The following TNR variants were observed in gnomAD, a reference collection of about 807,000 sequenced individuals.
The protein encoded by TNR is tenascin-R.
TNR carries 45 observed loss-of-function variants against 150.4 expected under a neutral mutation model. The observed-to-expected ratio is 0.30, with a 90% CI of 0.24 to 0.38. The LOEUF (loss-of-function observed/expected upper bound fraction) is 0.38. Among genes scored for constraint, TNR ranks in the 10% least tolerant of loss-of-function variants. The pLI is 1.00. For synonymous variants in TNR, 687 were observed against 678.4 expected (o/e 1.01, Z -0.20); for missense variants, 1,544 against 1,759.1 (o/e 0.88, Z 2.19).
intron 2 of TNR, among the ~76,000 whole-genome samples, chr1:175,468,613 C>T (rs949062882): frequency 6.6e-6 from 1 of 152,108 alleles, no homozygotes; most frequent in African/African-American, 2.4e-5. Flanking sequence ...ATAAAATTAC[C>T]AGACCAAGGG....
intron 2 of TNR, among the ~76,000 whole-genome samples, chr1:175,465,168 C>G (rs1344503160): frequency 6.6e-6 from 1 of 152,216 alleles, no homozygotes; most frequent in Non-Finnish European, 1.5e-5. Context: ...TTAAAAAGCT[C>G]GGCCAGCCTA....
intron 2 of TNR, among the ~76,000 whole-genome samples, chr1:175,486,535 T>C (rs1045964941): frequency 3.9e-5 from 6 of 152,222 alleles, no homozygotes; most frequent in African/African-American, 1.4e-4. Context: ...TTGATGGGCA[T>C]TTGGGTTGGT....
intron 1 of TNR, among the ~76,000 whole-genome samples, chr1:175,715,209 G>A (rs1233011446): frequency 1.3e-5 from 2 of 152,144 alleles, no homozygotes; most frequent in African/African-American, 4.8e-5. Flanking sequence ...GCTTTGCTAG[G>A]GCTGGAAGGG....
chr1:175,456,635 T>C (rs547615806), intron 2 of TNR, among the ~76,000 whole-genome samples: 1 of 152,346 alleles, frequency 6.6e-6, no homozygotes, highest in East Asian at 1.9e-4. Context: ...TGAGAGATTT[T>C]TTTTAAGTTA....
chr1:175,494,087 T>C (rs1403368630), intron 2 of TNR, among the ~76,000 whole-genome samples: 1 of 152,118 alleles, frequency 6.6e-6, no homozygotes, highest in Non-Finnish European at 1.5e-5. Flanking sequence ...TGTGCCTCCT[T>C]TCCCGGATTC....
Position 175,367,194 on chromosome 1 carries a change from G to A in TNR, c.2053+14C>T, listed in dbSNP as rs777328488. 3 of 1,613,410 alleles carry A rather than the reference G, an allele frequency of 1.9e-6. 1 individual carries two copies. In the South Asian group the frequency reaches 3.3e-5, roughly 18 times the overall value. ...GCTAACCTGGTCTTCTTCCTCAGCA[G>A]TCCTCCTACTCACCAGTCCTGGCAT... is the stretch of plus-strand genomic sequence containing the variant. On this transcript the variant is annotated intron_variant, in intron 10 of 22. Transcript: ENST00000367674.
At chr1:175,520,677 T>G (rs1659601623) in intron 2 of TNR, among the ~76,000 whole-genome samples, 2 of 150,280 alleles carry the variant, frequency 1.3e-5, no homozygotes, top group Non-Finnish European at 3.0e-5. Context: ...CCTGCTCTTC[T>G]CTCTCTCTCT....
intron 1 of TNR, among the ~76,000 whole-genome samples, chr1:175,553,401 A>G (rs901789255): frequency 3.9e-5 from 6 of 152,154 alleles, no homozygotes; most frequent in African/African-American, 1.4e-4. Flanking sequence ...CATAATTCCA[A>G]CATCTGAGAA....
chr1:175,413,926 A>C (rs894173095), intron 2 of TNR, among the ~76,000 whole-genome samples: 15 of 152,188 alleles, frequency 9.9e-5, no homozygotes, highest in African/African-American at 3.4e-4. Flanking sequence ...TGAGCCCAGG[A>C]GTTTGAGACC....
intron 1 of TNR, among the ~76,000 whole-genome samples, chr1:175,707,163 C>CT (rs1666865532): frequency 1.3e-5 from 2 of 152,142 alleles, no homozygotes; most frequent in South Asian, 4.2e-4. Flanking sequence ...GACATATGCC[C>CT]TAGAGCACTT....
chr1:175,335,137 C>G (rs1270468415), intron 20 of TNR, among the ~76,000 whole-genome samples: 3 of 152,242 alleles, frequency 2.0e-5, no homozygotes, highest in African/African-American at 4.8e-5. Flanking sequence ...CTTTCCAGAA[C>G]TTGGCACCAC....
chr1:175,613,245 T>TA (rs1663653281), intron 1 of TNR, among the ~76,000 whole-genome samples: 4 of 152,286 alleles, frequency 2.6e-5, no homozygotes, highest in Non-Finnish European at 5.9e-5. Flanking sequence ...TCTGAGTCTC[T>TA]GTAGCTAGGT....
intron 2 of TNR, among the ~76,000 whole-genome samples, chr1:175,434,679 T>C (rs1384523640): frequency 6.6e-6 from 1 of 152,196 alleles, no homozygotes; most frequent in Non-Finnish European, 1.5e-5. Flanking sequence ...TTACCACTCC[T>C]GGCCCCTTGA....
intron 2 of TNR, among the ~76,000 whole-genome samples, chr1:175,507,194 G>A (rs985846274): frequency 6.6e-6 from 1 of 152,196 alleles, no homozygotes; most frequent in Non-Finnish European, 1.5e-5. Context: ...GGGGTGGAGA[G>A]CAGGGGCAGT....
intron 1 of TNR, among the ~76,000 whole-genome samples, chr1:175,558,543 A>G (rs192388076): frequency 9.2e-4 from 140 of 152,320 alleles, no homozygotes; most frequent in African/African-American, 3.3e-3. Flanking sequence ...TCAAAGTCAT[A>G]TTCTGAACTA....
intron 1 of TNR, among the ~76,000 whole-genome samples, chr1:175,564,405 C>T (rs1324713291): frequency 2.0e-5 from 3 of 152,316 alleles, no homozygotes; most frequent in Non-Finnish European, 2.9e-5. Context: ...GAAAGAAATC[C>T]CTCGTCAAGA....
chr1:175,327,601 C>A (rs899552040), intron 21 of TNR, among the ~76,000 whole-genome samples: 3 of 152,192 alleles, frequency 2.0e-5, no homozygotes, highest in African/African-American at 7.2e-5. Context: ...GGATCTGGCT[C>A]TACCTGCCTC....
At position 175,526,011 on chromosome 1, in the gene TNR, G is replaced by GTTT. The variant is rs35322034; in HGVS notation, c.-64+2255_-64+2257dup. Among the ~76,000 whole-genome samples, 416 of 147,306 alleles carry GTTT rather than the reference G, an allele frequency of 2.8e-3. 2 individuals are homozygous for GTTT. Among genetic ancestry groups the GTTT allele is most frequent in the African/African-American group, 9.9e-3 (401 of 40,346 alleles). ...CATTTGTTTATGTCCACTTTTGCTG[G>GTTT]TTTTTTTTTTTAAATTCCCCTTTCC... On this transcript the variant is annotated intron_variant, in intron 2 of 22. Coordinates refer to ENST00000367674, the MANE Select transcript of TNR (RefSeq NM_003285.3).
chr1:175,338,903 G>A (rs74126981), intron 18 of TNR, among the ~76,000 whole-genome samples: 2,688 of 152,216 alleles, frequency 0.018, 87 homozygotes, highest in African/African-American at 0.062. Context: ...AACTGCCCCC[G>A]CACCAGGACT....
Sources: allele counts gnomAD v4.1 joint callset (sites outside exome capture counted in the v4.1 genomes callset), GRCh38; gene constraint gnomAD v4.1.1; transcripts MANE v1.5; gene names NCBI Gene and HGNC (gene_info 2026-07-23, HGNC 2026-07-21).